The following ZIC4 variants were observed in gnomAD, a reference collection of about 807,000 sequenced individuals.
ZIC4 encodes the protein Zic family zinc finger 4.
Under a neutral mutation model 28.8 loss-of-function variants are expected in ZIC4, and 15 were observed. That is an observed-to-expected ratio of 0.52 (90% CI 0.35 to 0.80). The LOEUF is 0.80. ZIC4 is among the 30% of genes least tolerant of loss of function. The pLI is 0.01. For missense variants in ZIC4, 512 were observed against 467.1 expected, an observed-to-expected ratio of 1.10 and a Z score of -0.89; for synonymous variants, 220 against 198.1, an observed-to-expected ratio of 1.11 and a Z score of -0.93.
At chr3:147,401,560 T>C (rs998686650) in intron 2 of ZIC4, among the ~76,000 whole-genome samples, 36 of 152,222 alleles carry the variant, frequency 2.4e-4, no homozygotes, top group African/African-American at 8.7e-4. Context: ...TAAACAGAGG[T>C]AAATTTCTTT....
Position 147,395,853 on chromosome 3 carries a change from T to A in ZIC4, c.687A>T (p.Thr229=). The A allele has an allele frequency of 6.2e-7, 1 of 1,610,762 alleles. No homozygotes were observed. Among genetic ancestry groups the A allele is most frequent in the Non-Finnish European group, 8.5e-7 (1 of 1,177,758 alleles). ...CGACAGACAGCGCCGAATACTGACC[T>A]GTGTGAGTTCGTTTGTGTATTTTGA... The part of the protein sequence containing the change: ...ENLKIHKRTH[T]GEKPFRCEFE... The change falls in exon 3 of 5, where the codon ACA becomes ACT. Residue 229 remains threonine (T), a splice_region_variant and synonymous_variant. Transcript: ENST00000383075.
In ZIC4 at chr3:147,396,537, G is replaced by A. The variant is rs1041027386; in HGVS notation, c.71-68C>T. On this transcript the variant is annotated intron_variant, in intron 2 of 4. Coordinates refer to ENST00000383075, the MANE Select transcript of ZIC4 (RefSeq NM_032153.6). This position sits in a 1 kb window ranked among gnomAD's most constrained non-coding sequence, Gnocchi z 4.2. The stretch of plus-strand genomic sequence containing the variant: ...GGCTGCGCGCTCTTCCCTGGGCCCC[G>A]GGGGGCAGGCCCAGCCCTGCCGCAC... 2.0e-6 allele frequency: 3 copies of A among 1,473,852 alleles called. No homozygotes were observed. The East Asian group carries it at 7.1e-5, about 35-fold the overall frequency. The allele number at this position is 1,473,852 out of a possible 1,614,324, so 91.3% of individuals were successfully genotyped here.
chr3:147,405,565 G>T, intron 1 of ZIC4: 1 of 1,333,332 alleles, frequency 7.5e-7, no homozygotes, highest in Non-Finnish European at 1.0e-6. Flanking sequence ...AATTTCCAAT[G>T]CCCCTGGGTC....
Position 147,391,257 on chromosome 3 carries a change from C to A in ZIC4, c.689-11G>T. 3 of 1,569,032 alleles carry A rather than the reference C, an allele frequency of 1.9e-6. No homozygotes were observed. In the East Asian group the frequency reaches 6.8e-5, roughly 36 times the overall value. On this transcript the variant is annotated splice_polypyrimidine_tract_variant and intron_variant, in intron 3 of 4. Coordinates refer to ENST00000383075, the MANE Select transcript of ZIC4 (RefSeq NM_032153.6). ...TGAAGGGCTTCTCGCCTGGCGGAGG[C>A]AACGCAGAGACATTAGTGCTTGTGG...
intron 3 of ZIC4, 113 bp downstream of exon 3, chr3:147,395,739 G>T: frequency 6.7e-7 from 1 of 1,490,638 alleles, no homozygotes; most frequent in Non-Finnish European, 9.0e-7. Flanking sequence ...TTGGCTCATG[G>T]AAACAACCCC....
chr3:147,405,308 G>A, intron 1 of ZIC4: 1 of 1,417,970 alleles, frequency 7.1e-7, no homozygotes, highest in Non-Finnish European at 9.4e-7. Flanking sequence ...GGAGAAAAAA[G>A]AGCAGCATGC....
At chr3:147,394,649 T>G (rs996220701) in intron 3 of ZIC4, among the ~76,000 whole-genome samples, 2 of 151,980 alleles carry the variant, frequency 1.3e-5, no homozygotes, top group African/African-American at 4.8e-5. Context: ...GTGAGATCCA[T>G]GCGACATTGT....
chr3:147,405,928 C>G (rs866222914), intron 1 of ZIC4: 1 of 164,936 alleles, frequency 6.1e-6, no homozygotes, highest in Non-Finnish European at 1.3e-5. Flanking sequence ...GGCCCCCTCC[C>G]GGCACCCGCC....
intron 3 of ZIC4, chr3:147,392,251 G>C: frequency 1.0e-6 from 1 of 985,890 alleles, no homozygotes; most frequent in Non-Finnish European, 1.2e-6. Context: ...GAAAACAGCT[G>C]CTGCTGTCAG....
chr3:147,401,406 C>T (rs1407097518), intron 2 of ZIC4, among the ~76,000 whole-genome samples: 1 of 152,170 alleles, frequency 6.6e-6, no homozygotes, highest in Non-Finnish European at 1.5e-5. Flanking sequence ...AAGTTATGCC[C>T]AGATCAGGAG....
chr3:147,401,337 G>C lies in ZIC4; in HGVS notation c.70+1391C>G, dbSNP rs2087161678. ...GAGGATATTTCAGATCAACAGCTGG[G>C]CTATTTTTCCATTTTAATATTTTAA... On this transcript the variant is annotated intron_variant, in intron 2 of 4. Coordinates refer to ENST00000383075, the MANE Select transcript of ZIC4 (RefSeq NM_032153.6). Among the ~76,000 whole-genome samples, 4 of 152,156 alleles carry C rather than the reference G, an allele frequency of 2.6e-5. No individual in the cohort carries two copies. In the South Asian group the frequency reaches 8.3e-4, roughly 32 times the overall value.
Position 147,387,279 on chromosome 3 carries a change from G to A in ZIC4, c.*1580C>T, listed in dbSNP as rs149910584. On this transcript the variant is annotated 3_prime_UTR_variant, in exon 5 of 5. Transcript: ENST00000383075. ...AAAGTTATGTATTGATGCAGTGTGT[G>A]GATATTGTTTTAAAAGAAGTTTGAT... The A allele has an allele frequency of 3.3e-5, 5 of 152,670 alleles. No homozygotes were observed. The East Asian group carries it at 7.7e-4, about 24-fold the overall frequency. The allele number at this position is 152,670 out of a possible 1,614,324, so 9.5% of individuals were successfully genotyped here. A position where few individuals can be genotyped will look rare whatever the true frequency, so the allele number is the denominator to read the frequency against.
intron 4 of ZIC4, among the ~76,000 whole-genome samples, chr3:147,390,665 C>T (rs1428077955): frequency 6.6e-6 from 1 of 152,176 alleles, no homozygotes; most frequent in Non-Finnish European, 1.5e-5. Flanking sequence ...TATTTATCTT[C>T]TAAAATAATG....
In ZIC4 at chr3:147,387,497, A is replaced by C. The variant is rs980454851; in HGVS notation, c.*1362T>G. 5.2e-5 allele frequency: 8 copies of C among 152,724 alleles called. No homozygotes were observed. The highest frequency in any genetic ancestry group is 1.9e-4 in the African/African-American group (8 of 41,558). The allele number at this position is 152,724 out of a possible 1,614,324, so 9.5% of individuals were successfully genotyped here. A position where few individuals can be genotyped will look rare whatever the true frequency, so the allele number is the denominator to read the frequency against. On this transcript the variant is annotated 3_prime_UTR_variant, in exon 5 of 5. Coordinates refer to ENST00000383075, the MANE Select transcript of ZIC4 (RefSeq NM_032153.6). ...GAAAGCGGACCATCCTTTTTATTCA[A>C]CCACAAGGACTGGCACTAAAGAAGA... is the stretch of plus-strand genomic sequence containing the variant.
At chr3:147,390,846 G>A (rs2107964355) in intron 4 of ZIC4, 85 bp downstream of exon 4, 4 of 1,470,190 alleles carry the variant, frequency 2.7e-6, no homozygotes, top group Middle Eastern at 2.4e-4. Context: ...AGGCGGCGGC[G>A]GCAGCAGCAG....
intron 1 of ZIC4, chr3:147,404,410 C>T (rs2107986158): frequency 3.3e-6 from 2 of 607,876 alleles, no homozygotes; most frequent in South Asian, 6.3e-5. Flanking sequence ...CATCACACAG[C>T]CTACACAGGG....
Position 147,396,616 on chromosome 3 carries a change from A to C in ZIC4, c.71-147T>G. 1 of 1,068,822 alleles carries C rather than the reference A, an allele frequency of 9.4e-7. No homozygotes were observed. The highest frequency in any genetic ancestry group is 1.3e-6 in the Non-Finnish European group (1 of 790,720). The allele number at this position is 1,068,822 out of a possible 1,614,324, so 66.2% of individuals were successfully genotyped here. A position where few individuals can be genotyped will look rare whatever the true frequency, so the allele number is the denominator to read the frequency against. ...CAGAGCCAGACAGCGCCAGCAGTGA[A>C]CCCGGTGGACAGAGCAAGGCCAAAC... On this transcript the variant is annotated intron_variant, in intron 2 of 4. Transcript: ENST00000383075. This position sits in a 1 kb window ranked among gnomAD's most constrained non-coding sequence, Gnocchi z 4.2.
intron 3 of ZIC4, 36 bp from the exon 4 acceptor site, chr3:147,391,282 G>C: frequency 6.5e-7 from 1 of 1,533,454 alleles, no homozygotes; most frequent in Non-Finnish European, 8.8e-7. Context: ...AGTGCTTGTG[G>C]GTCGTGTTCC....
At position 147,394,215 on chromosome 3, in the gene ZIC4, T is replaced by G. The variant is rs572454159; in HGVS notation, c.688+1637A>C. Among the ~76,000 whole-genome samples the G allele has an allele frequency of 7.8e-4, 119 of 151,830 alleles. 1 individual carries two copies. The highest frequency in any genetic ancestry group is 1.7e-3 in the Admixed American group (26 of 15,262). ...TGCCCGAGCAGGCCAGACTCTGTAG[T>G]TCGTTGTTGGTCGTGTTTGTTTGTT... On this transcript the variant is annotated intron_variant, in intron 3 of 4. Coordinates refer to ENST00000383075, the MANE Select transcript of ZIC4 (RefSeq NM_032153.6).
Sources: gnomAD v4.1 joint callset for allele counts (sites outside exome capture counted in the v4.1 genomes callset) on GRCh38, gnomAD v4.1.1 for gene constraint, Gnocchi (gnomAD v3.1) non-coding constraint, MANE v1.5 for transcripts, NCBI Gene and HGNC (gene_info 2026-07-23, HGNC 2026-07-21) for gene names.